The following ZNF521 variants were observed in gnomAD, a reference collection of about 807,000 sequenced individuals.
The protein encoded by ZNF521 is zinc finger protein 521, also known as LYST-interacting protein 3.
ZNF521 carries 14 observed loss-of-function variants against 105.5 expected under a neutral mutation model. The observed-to-expected ratio is 0.13, with a 90% CI of 0.09 to 0.21. ZNF521 has a LOEUF of 0.21. Among genes scored for constraint, ZNF521 ranks in the 10% least tolerant of loss-of-function variants. The pLI, the probability that ZNF521 is intolerant of heterozygous loss-of-function variation, is 1.00. For synonymous variants in ZNF521, 635 were observed against 606.0 expected (o/e 1.05, Z -0.70); for missense variants, 1,233 against 1,629.7 (o/e 0.76, Z 4.19).
chr18:25,240,889 G>A (rs768837111), intron 3 of ZNF521, among the ~76,000 whole-genome samples: 6 of 150,634 alleles, frequency 4.0e-5, no homozygotes, highest in Admixed American at 6.6e-5. Context: ...CGACAGGCAG[G>A]CCAGCACTGG....
At chr18:25,262,567 T>C (rs762260280) in intron 3 of ZNF521, among the ~76,000 whole-genome samples, 5 of 152,224 alleles carry the variant, frequency 3.3e-5, no homozygotes, top group Non-Finnish European at 5.9e-5. Context: ...TCATCTACTA[T>C]GATCAGAGAA....
intron 5 of ZNF521, among the ~76,000 whole-genome samples, chr18:25,183,298 T>C (rs2035664195): frequency 6.6e-6 from 1 of 152,188 alleles, no homozygotes; most frequent in Admixed American, 6.6e-5. Flanking sequence ...GCTCAATTGA[T>C]GTTAGGACAG....
chr18:25,300,662 ACTCT>A (rs1216796426), intron 3 of ZNF521, among the ~76,000 whole-genome samples: 1 of 152,120 alleles, frequency 6.6e-6, no homozygotes, highest in Non-Finnish European at 1.5e-5. Flanking sequence ...TTTTGCCATC[ACTCT>A]TAATTGTGAA....
At chr18:25,216,556 C>T (rs1441678029) in intron 4 of ZNF521, among the ~76,000 whole-genome samples, 5 of 152,042 alleles carry the variant, frequency 3.3e-5, no homozygotes, top group Non-Finnish European at 5.9e-5. Flanking sequence ...AGGAGAAGAA[C>T]GAAATAGGGC....
At chr18:25,344,795 T>C (rs1291299174) in intron 2 of ZNF521, among the ~76,000 whole-genome samples, 1 of 152,200 alleles carries the variant, frequency 6.6e-6, no homozygotes, top group Admixed American at 6.5e-5. Context: ...ACTTTCCCTC[T>C]TAAAATTAAC....
intron 3 of ZNF521, among the ~76,000 whole-genome samples, chr18:25,268,239 G>C (rs1568045202): frequency 6.6e-6 from 1 of 152,030 alleles, no homozygotes; most frequent in African/African-American, 2.4e-5. Flanking sequence ...AAGTAAGAAA[G>C]AATGAAAAGA....
chr18:25,306,816 T>TA (rs1486606946), intron 3 of ZNF521, among the ~76,000 whole-genome samples: 3 of 148,386 alleles, frequency 2.0e-5, no homozygotes, highest in Non-Finnish European at 4.4e-5. Context: ...GAGAGAAACT[T>TA]AGACAACTCA....
chr18:25,143,696 G>T (rs2034892826), intron 5 of ZNF521, among the ~76,000 whole-genome samples: 1 of 151,852 alleles, frequency 6.6e-6, no homozygotes, highest in African/African-American at 2.4e-5. Flanking sequence ...ATTTAAAAAA[G>T]AAACAACGTG....
At chr18:25,199,519 C>T (rs1447709850) in intron 4 of ZNF521, among the ~76,000 whole-genome samples, 1 of 151,834 alleles carries the variant, frequency 6.6e-6, no homozygotes, top group African/African-American at 2.4e-5. Context: ...TGTGGGTAAA[C>T]ATTCTTTTTG....
intron 7 of ZNF521, among the ~76,000 whole-genome samples, chr18:25,064,628 T>G (rs1385281364): frequency 1.3e-5 from 2 of 152,196 alleles, no homozygotes; most frequent in Non-Finnish European, 2.9e-5. Flanking sequence ...GGATTCATCT[T>G]AGAGATGTTT....
chr18:25,288,652 C>T (rs943644526), intron 3 of ZNF521, among the ~76,000 whole-genome samples: 4 of 148,316 alleles, frequency 2.7e-5, no homozygotes, highest in African/African-American at 5.0e-5. Flanking sequence ...GAATTAAATA[C>T]CCCCAAGGAA....
chr18:25,219,807 AC>A (rs1193503454), intron 4 of ZNF521, among the ~76,000 whole-genome samples: 1 of 152,110 alleles, frequency 6.6e-6, no homozygotes, highest in Non-Finnish European at 1.5e-5. Context: ...ATAGAGTGAG[AC>A]CCTGTCTGAA....
At chr18:25,179,781 G>A (rs1355012371) in intron 5 of ZNF521, among the ~76,000 whole-genome samples, 2 of 152,152 alleles carry the variant, frequency 1.3e-5, no homozygotes, top group Non-Finnish European at 2.9e-5. Context: ...CACAAGACAC[G>A]GAGTGCTGCA....
intron 4 of ZNF521, among the ~76,000 whole-genome samples, chr18:25,198,768 G>A (rs905402348): frequency 6.6e-6 from 1 of 151,874 alleles, no homozygotes; most frequent in South Asian, 2.1e-4. Flanking sequence ...CTTTATAGAA[G>A]AATGACAGCA....
intron 5 of ZNF521, among the ~76,000 whole-genome samples, chr18:25,144,121 G>T (rs998116951): frequency 1.3e-5 from 2 of 152,128 alleles, no homozygotes; most frequent in African/African-American, 4.8e-5. Flanking sequence ...CTCCCACAGT[G>T]TATCCTAGTG....
intron 5 of ZNF521, among the ~76,000 whole-genome samples, chr18:25,159,563 G>A (rs2035212952): frequency 6.6e-6 from 1 of 152,102 alleles, no homozygotes; most frequent in African/African-American, 2.4e-5. Flanking sequence ...ACTAAATAAC[G>A]ATCACATCTG....
intron 3 of ZNF521, among the ~76,000 whole-genome samples, chr18:25,253,729 A>G (rs1175744655): frequency 6.6e-6 from 1 of 152,200 alleles, no homozygotes; most frequent in Non-Finnish European, 1.5e-5. Context: ...AATATGGTTA[A>G]TAAGAAATGA....
chr18:25,302,672 T>C (rs560171008), intron 3 of ZNF521: 1 of 152,272 alleles, frequency 6.6e-6, no homozygotes, highest in Non-Finnish European at 1.5e-5. Flanking sequence ...CTAGGAGTAA[T>C]GACACATTCA....
intron 3 of ZNF521, among the ~76,000 whole-genome samples, chr18:25,308,067 T>C (rs1308912066): frequency 6.6e-6 from 1 of 151,948 alleles, no homozygotes; most frequent in African/African-American, 2.4e-5. Context: ...CTGGGCGTGA[T>C]GGTGCATGCC....
Sources: gnomAD v4.1 joint callset for allele counts (sites outside exome capture counted in the v4.1 genomes callset) on GRCh38, gnomAD v4.1.1 for gene constraint, MANE v1.5 for transcripts, NCBI Gene and HGNC (gene_info 2026-07-23, HGNC 2026-07-21) for gene names.